SYCP1: variants seen among roughly 807,000 people sequenced by gnomAD.
The protein encoded by SYCP1 is cancer/testis antigen 8.
A neutral mutation model predicts 153.1 loss-of-function variants in SYCP1; 64 were observed. The ratio of observed to expected loss-of-function variants is 0.42; its 90% CI spans 0.34 to 0.51. The LOEUF (loss-of-function observed/expected upper bound fraction) is 0.51, where lower values mean the gene tolerates loss of function less well. SYCP1 is among the 20% of genes least tolerant of loss of function. The probability of loss-of-function intolerance (pLI) is 0.06; values close to 1 mark genes in which losing one functional copy is unlikely to be tolerated. For missense variants in SYCP1, 997 were observed against 1,049.0 expected, an observed-to-expected ratio of 0.95 and a Z score of 0.68; for synonymous variants, 384 against 341.8, an observed-to-expected ratio of 1.12 and a Z score of -1.36.
intron 16 of SYCP1, among the ~76,000 whole-genome samples, chr1:114,905,381 A>G (rs981838145): frequency 1.3e-5 from 2 of 152,214 alleles, no homozygotes; most frequent in Non-Finnish European, 2.9e-5. Flanking sequence ...GAATCCCTGC[A>G]TCGTTAACCC....
chr1:114,885,693 T>A, intron 13 of SYCP1, 64 bp downstream of exon 13: 1 of 917,014 alleles, frequency 1.1e-6, no homozygotes. Context: ...AACAAATATT[T>A]ATTAAATACT....
At chr1:114,955,471 G>T (rs1014588374) in intron 27 of SYCP1, among the ~76,000 whole-genome samples, 6 of 152,178 alleles carry the variant, frequency 3.9e-5, no homozygotes, top group Admixed American at 2.0e-4. Flanking sequence ...TATAAAATTG[G>T]TGTTAATTTT....
chr1:114,867,872 A>T (rs940651900), intron 8 of SYCP1, among the ~76,000 whole-genome samples: 1 of 152,100 alleles, frequency 6.6e-6, no homozygotes, highest in Non-Finnish European at 1.5e-5. Context: ...TCTCACCATT[A>T]AGTATGATAT....
At position 114,876,823 on chromosome 1, in the gene SYCP1, A is replaced by G; in HGVS notation, c.801+13A>G. The G allele has an allele frequency of 7.4e-7, 1 of 1,360,434 alleles. No homozygotes were observed. Among genetic ancestry groups the G allele is most frequent in the Non-Finnish European group, 9.6e-7 (1 of 1,043,372 alleles). The allele number at this position is 1,360,434 out of a possible 1,614,324, so 84.3% of individuals were successfully genotyped here. A position where few individuals can be genotyped will look rare whatever the true frequency, so the allele number is the denominator to read the frequency against. On this transcript the variant is annotated intron_variant, in intron 11 of 31. Coordinates refer to ENST00000369522, the MANE Select transcript of SYCP1 (RefSeq NM_003176.4). ...CAAGGAAAAGCAGGTTTTTTAAAAA[A>G]CCAACTCTTTGTATTCTTTATATTT...
At chr1:114,881,242 G>A (rs1665905828) in intron 12 of SYCP1, among the ~76,000 whole-genome samples, 1 of 151,852 alleles carries the variant, frequency 6.6e-6, no homozygotes, top group Non-Finnish European at 1.5e-5. Flanking sequence ...TTTTACCCAT[G>A]TATTTTTTTC....
rs550897813 is a variant in SYCP1, at chr1:114,960,236, C to T, written c.2322+12916C>T. Among the ~76,000 whole-genome samples the T allele has an allele frequency of 4.7e-3, 633 of 133,986 alleles. 8 individuals are homozygous for T. Among genetic ancestry groups the T allele is most frequent in the African/African-American group, 0.017 (598 of 34,566 alleles). 87.9% of individuals were successfully genotyped at this position (133,986 alleles called of 152,430 possible). ...ATGCTGGAGTGCAGTGGTGTGATCT[C>T]GGCTCACTGCAACCTCCACCTCCTG... On this transcript the variant is annotated intron_variant, in intron 27 of 31. Transcript: ENST00000369522.
chr1:114,919,803 G>A (rs1043245535), intron 20 of SYCP1, among the ~76,000 whole-genome samples: 5 of 151,914 alleles, frequency 3.3e-5, no homozygotes, highest in Admixed American at 1.3e-4. Flanking sequence ...GCTTAGAGTA[G>A]CCTCTAATGA....
intron 21 of SYCP1, among the ~76,000 whole-genome samples, chr1:114,923,896 A>G (rs1041892836): frequency 6.6e-6 from 1 of 152,192 alleles, no homozygotes; most frequent in Non-Finnish European, 1.5e-5. Flanking sequence ...TAAGATAATA[A>G]GGTGTTTAGG....
chr1:114,884,372 T>G (rs1666158955), intron 12 of SYCP1, among the ~76,000 whole-genome samples: 1 of 152,244 alleles, frequency 6.6e-6, no homozygotes, highest in South Asian at 2.1e-4. Flanking sequence ...TTACCTTTGC[T>G]AATTTAATTC....
At chr1:114,989,127 A>G (rs563854538) in intron 30 of SYCP1, among the ~76,000 whole-genome samples, 2 of 152,020 alleles carry the variant, frequency 1.3e-5, no homozygotes, top group Admixed American at 1.3e-4. Flanking sequence ...TAATCACACC[A>G]CTGACCTCCA....
intron 20 of SYCP1, 64 bp downstream of exon 20, chr1:114,914,109 C>A: frequency 2.4e-6 from 3 of 1,265,572 alleles, no homozygotes; most frequent in South Asian, 1.6e-5. Flanking sequence ...TTTCTATTAA[C>A]TTGTTATCAT....
intron 28 of SYCP1, among the ~76,000 whole-genome samples, chr1:114,980,005 T>C (rs919263394): frequency 1.3e-5 from 2 of 151,676 alleles, no homozygotes; most frequent in African/African-American, 4.8e-5. Context: ...TATTCCCTTT[T>C]TGTGTGTGTG....
chr1:114,863,779 T>A (rs1384305451), intron 8 of SYCP1, among the ~76,000 whole-genome samples: 1 of 152,116 alleles, frequency 6.6e-6, no homozygotes, highest in Non-Finnish European at 1.5e-5. Context: ...TTTGAATGGG[T>A]TTCTTTTTTT....
At chr1:114,870,693 T>C (rs931571243) in intron 8 of SYCP1, among the ~76,000 whole-genome samples, 2 of 152,186 alleles carry the variant, frequency 1.3e-5, no homozygotes, top group African/African-American at 2.4e-5. Flanking sequence ...TAACATGCTT[T>C]CTTGTGATTA....
At position 114,876,093 on chromosome 1, in the gene SYCP1, C is replaced by A; in HGVS notation, c.682C>A (p.Leu228Ile). 6.3e-7 allele frequency: 1 copy of A among 1,583,426 alleles called. No individual in the cohort carries two copies. Among genetic ancestry groups the A allele is most frequent in the Non-Finnish European group, 8.6e-7 (1 of 1,163,182 alleles). ...IEKMITAFEE[L>I]RVQAENSRLE... ...GAAAATGATAACAGCTTTTGAGGAACTTCGTGTGCAAGCTGAGAATTCCAG... is the reference window on the plus strand; with the variant it reads ...GAAAATGATAACAGCTTTTGAGGAAATTCGTGTGCAAGCTGAGAATTCCAG... The change falls in exon 10 of 32, where the codon CTT (leucine) becomes ATT (isoleucine). Residue 228 changes from leucine to isoleucine, a missense_variant. Leu to Ile is a conservative substitution (Grantham distance 5). This residue lies in a region of SYCP1 where 285 missense variants were observed against 366.1 expected (regional missense o/e 0.78). Coordinates refer to ENST00000369522, the MANE Select transcript of SYCP1 (RefSeq NM_003176.4).
At chr1:114,902,961 C>T (rs1048920022) in intron 16 of SYCP1, among the ~76,000 whole-genome samples, 1 of 152,096 alleles carries the variant, frequency 6.6e-6, no homozygotes, top group African/African-American at 2.4e-5. Context: ...GAGCGGATCA[C>T]TTGAGGCCAG....
At chr1:114,854,222 C>G (rs1313105303), upstream of SYCP1, among the ~76,000 whole-genome samples, 1 of 152,122 alleles carries the variant, frequency 6.6e-6, no homozygotes. Flanking sequence ...TAGCTCACTG[C>G]AGCCTCTGTC....
chr1:114,901,815 A>G (rs909946142), intron 16 of SYCP1, among the ~76,000 whole-genome samples: 1 of 152,230 alleles, frequency 6.6e-6, no homozygotes, highest in African/African-American at 2.4e-5. Context: ...TGTCTTCCAA[A>G]AAGAAAAAAA....
At chr1:114,921,987 C>T (rs535346838) in intron 20 of SYCP1, among the ~76,000 whole-genome samples, 3 of 152,248 alleles carry the variant, frequency 2.0e-5, no homozygotes, top group Non-Finnish European at 4.4e-5. Context: ...GTAAGGTTTC[C>T]ATTGAAAAGT....
Sources: allele counts gnomAD v4.1 joint callset (sites outside exome capture counted in the v4.1 genomes callset), GRCh38; gene constraint gnomAD v4.1.1; regional missense constraint gnomAD v4.1.1; transcripts MANE v1.5; gene names NCBI Gene and HGNC (gene_info 2026-07-23, HGNC 2026-07-21).